Variants in ZNF782 observed in about 807,000 individuals in gnomAD.
The protein encoded by ZNF782 is zinc finger protein 782.
A neutral mutation model predicts 13.0 loss-of-function variants in ZNF782; 12 were observed. The observed-to-expected ratio is 0.92, with a 90% CI of 0.59 to 1.50. ZNF782 has a LOEUF of 1.50. Ranked by LOEUF, ZNF782 falls within the 40% of genes most tolerant of loss-of-function variation. The probability of loss-of-function intolerance (pLI) is 0.00; values close to 1 mark genes in which losing one functional copy is unlikely to be tolerated. For missense variants in ZNF782, 770 were observed against 822.9 expected (o/e 0.94, Z 0.79); for synonymous variants, 284 against 283.0 (o/e 1.00, Z -0.04).
chr9:96,837,410 A>T (rs1298323806), intron 4 of ZNF782, among the ~76,000 whole-genome samples: 1 of 152,140 alleles, frequency 6.6e-6, no homozygotes, highest in African/African-American at 2.4e-5. Context: ...TGAGTTTAGT[A>T]ATTTGAGTCT....
intron 2 of ZNF782, among the ~76,000 whole-genome samples, chr9:96,852,637 A>G (rs939194821): frequency 4.6e-5 from 7 of 152,146 alleles, no homozygotes; most frequent in African/African-American, 1.7e-4. Flanking sequence ...ACAGGATGAG[A>G]CTCTGTCTCC....
chr9:96,818,911 C>A lies in ZNF782; in HGVS notation c.1112G>T (p.Cys371Phe), dbSNP rs775365204. 6.2e-7 allele frequency: 1 copy of A among 1,614,222 alleles called. No homozygotes were observed. Among genetic ancestry groups the A allele is most frequent in the Non-Finnish European group, 8.5e-7 (1 of 1,180,034 alleles). ...TGAATTCATAGAGCAGGATTTCCCA[C>A]ATTCATTATACTCATAGGGTTTTGC... ...IRAKPYEYNE[C>F]GKSCSMNSHL... is the part of the protein sequence containing the mutation. Residue 371 changes from cysteine (C) to phenylalanine (F), a missense_variant, in exon 6 of 6, where the codon TGT (cysteine) becomes TTT (phenylalanine). By Grantham distance (205) the Cys-to-Phe change is radical (BLOSUM62 -2). Transcript: ENST00000481138.
At chr9:96,887,332 AG>A in the ZNF782 span, 6 of 151,318 alleles carry the variant, frequency 4.0e-5, no homozygotes, top group African/African-American at 7.4e-5. Context: ...GAAGGAAGGA[AG>A]GAAGGAAGAA....
Position 96,819,064 on chromosome 9 carries a change from T to A in ZNF782, c.959A>T (p.Asn320Ile), listed in dbSNP as rs763035524. 1 of 1,614,060 alleles carries A rather than the reference T, an allele frequency of 6.2e-7. No homozygotes were observed. The highest frequency in any genetic ancestry group is 1.3e-5 in the African/African-American group (1 of 74,942). ...VKPFEYGKSF[N>I]RNSTLPVHQR... ...ATGCACTGGGAGGGTTGAATTACGG[T>A]TGAAACTTTTTCCATATTCAAAGGG... is the stretch of plus-strand genomic sequence containing the variant. The change falls in exon 6 of 6, where the codon AAC (asparagine) becomes ATC (isoleucine). Residue 320 changes from asparagine to isoleucine, a missense_variant. Physicochemically the swap from Asn to Ile is moderately radical, Grantham distance 149. Coordinates refer to ENST00000481138, the MANE Select transcript of ZNF782 (RefSeq NM_001001662.3).
At chr9:96,871,644 C>T (rs943399756) in intron 1 of ZNF782, among the ~76,000 whole-genome samples, 3 of 152,080 alleles carry the variant, frequency 2.0e-5, no homozygotes, top group Non-Finnish European at 4.4e-5. Context: ...GGCTGCAGTG[C>T]GCTGTGATTG....
chr9:96,890,590 G>C, the ZNF782 span: 2 of 152,242 alleles, frequency 1.3e-5, no homozygotes, highest in Non-Finnish European at 2.9e-5. Flanking sequence ...TGACTGAAAA[G>C]AATCATTGGG....
chr9:96,931,412 C>T, the ZNF782 span, among the ~76,000 whole-genome samples: 1,495 of 152,136 alleles, frequency 9.8e-3, 19 homozygotes, highest in African/African-American at 0.035. Flanking sequence ...TGACCCACGG[C>T]TTGGGAGATG....
chr9:96,848,612 T>C (rs1054794049), intron 3 of ZNF782, among the ~76,000 whole-genome samples: 13 of 152,048 alleles, frequency 8.5e-5, no homozygotes. Flanking sequence ...AACCTAATAA[T>C]ATACTTAACC....
the ZNF782 span, among the ~76,000 whole-genome samples, chr9:96,905,600 C>A: frequency 6.6e-6 from 1 of 151,142 alleles, no homozygotes. Context: ...TTTTTTGAGA[C>A]TGAGTCTTGC....
intron 4 of ZNF782, among the ~76,000 whole-genome samples, chr9:96,833,362 T>C (rs900349599): frequency 8.5e-5 from 13 of 152,234 alleles, no homozygotes; most frequent in Admixed American, 7.2e-4. Flanking sequence ...GATCCCACAT[T>C]ACATTCAGTC....
rs142939717 is a variant in ZNF782, at chr9:96,872,246, T to C, written c.-457+3222A>G. Among the ~76,000 whole-genome samples the C allele has an allele frequency of 8.4e-3, 1,277 of 152,314 alleles. 18 individuals carry two copies. Among genetic ancestry groups the C allele is most frequent in the African/African-American group, 0.029 (1,186 of 41,572 alleles). On this transcript the variant is annotated intron_variant, in intron 1 of 5. Coordinates refer to the ZNF782 transcript ENST00000498811. ...AATAAACTTTTAATTAAAATGTGACTAGTGGGCCGAGCACAGTGGCTCACA... is the reference window on the plus strand; with the variant it reads ...AATAAACTTTTAATTAAAATGTGACCAGTGGGCCGAGCACAGTGGCTCACA...
At chr9:96,893,091 G>T in the ZNF782 span, 1 of 152,120 alleles carries the variant, frequency 6.6e-6, no homozygotes, top group South Asian at 2.1e-4. Context: ...AAATGACATG[G>T]TTGACCAAGA....
At chr9:96,888,482 AACT>A in the ZNF782 span, 3 of 152,052 alleles carry the variant, frequency 2.0e-5, no homozygotes, top group Admixed American at 1.3e-4. Context: ...CAATTGATAA[AACT>A]ACTAGACATA....
At chr9:96,826,180 A>C (rs1437251194) in intron 5 of ZNF782, among the ~76,000 whole-genome samples, 4 of 152,204 alleles carry the variant, frequency 2.6e-5, no homozygotes, top group Non-Finnish European at 5.9e-5. Flanking sequence ...CTGGATTAAG[A>C]AAATGTGGCA....
the ZNF782 span, among the ~76,000 whole-genome samples, chr9:96,885,052 T>TA: frequency 1.3e-5 from 2 of 151,802 alleles, no homozygotes; most frequent in South Asian, 2.1e-4. Flanking sequence ...GGATTAAATT[T>TA]AAAAAAGATT....
the ZNF782 span, among the ~76,000 whole-genome samples, chr9:96,900,455 A>G: frequency 6.6e-6 from 1 of 152,060 alleles, no homozygotes; most frequent in East Asian, 1.9e-4. Context: ...ATAGTGCAGT[A>G]TGAGCTGGGT....
At chr9:96,908,227 T>C in the ZNF782 span, among the ~76,000 whole-genome samples, 14 of 151,736 alleles carry the variant, frequency 9.2e-5, no homozygotes, top group African/African-American at 3.4e-4. Context: ...TGGAGTGCAG[T>C]GGTGCAATCA....
chr9:96,816,586 A>C lies in ZNF782; in HGVS notation c.*1337T>G, dbSNP rs916104326. On this transcript the variant is annotated 3_prime_UTR_variant, in exon 6 of 6. Transcript: ENST00000481138. ...TGTGAAACAACAGTTCTGATAAAGC[A>C]ATATCTAGATAAAGGCTATTACTTA... 6.6e-6 allele frequency: 1 copy of C among 152,254 alleles called. No individual in the cohort carries two copies. Among genetic ancestry groups the C allele is most frequent in the Non-Finnish European group, 1.5e-5 (1 of 68,050 alleles). The allele number at this position is 152,254 out of a possible 1,614,324, so 9.4% of individuals were successfully genotyped here.
chr9:96,903,114 G>C, the ZNF782 span: 1 of 151,124 alleles, frequency 6.6e-6, no homozygotes, highest in South Asian at 2.1e-4. Context: ...AGTTCCTGAA[G>C]TTTTAAAAAA....
Sources: gnomAD v4.1 joint callset for allele counts (sites outside exome capture counted in the v4.1 genomes callset) on GRCh38, gnomAD v4.1.1 for gene constraint, MANE v1.5 for transcripts, NCBI Gene and HGNC (gene_info 2026-07-23, HGNC 2026-07-21) for gene names.